Variants in PDS5B observed in about 807,000 individuals in gnomAD.
PDS5B encodes the protein PDS5 cohesin associated factor B.
A neutral mutation model predicts 184.1 loss-of-function variants in PDS5B; 51 were observed. The ratio of observed to expected loss-of-function variants is 0.28; its 90% CI spans 0.22 to 0.35. The LOEUF is 0.35. Among genes scored for constraint, PDS5B ranks in the 10% least tolerant of loss-of-function variants. The pLI, the probability that PDS5B is intolerant of heterozygous loss-of-function variation, is 1.00. For missense variants in PDS5B, 1,180 were observed against 1,723.3 expected, an observed-to-expected ratio of 0.68 and a Z score of 5.58; for synonymous variants, 566 against 569.2, an observed-to-expected ratio of 0.99 and a Z score of 0.08.
chr13:32,760,019 C>CA (rs1185751743), intron 29 of PDS5B, among the ~76,000 whole-genome samples: 1 of 151,844 alleles, frequency 6.6e-6, no homozygotes, highest in Admixed American at 6.6e-5. Flanking sequence ...TGCAGTGGCG[C>CA]ATCTCGGCTC....
chr13:32,750,101 C>T (rs1953919039), intron 24 of PDS5B, among the ~76,000 whole-genome samples: 1 of 152,168 alleles, frequency 6.6e-6, no homozygotes, highest in Non-Finnish European at 1.5e-5. Flanking sequence ...TGTGTGTCAT[C>T]ATTCCTGTTA....
At position 32,648,842 on chromosome 13, in the gene PDS5B, G is replaced by C. The variant is rs1950292660; in HGVS notation, c.70G>C (p.Asp24His). Residue 24 changes from aspartate (D) to histidine (H), a missense_variant, in exon 2 of 35, where the codon GAT becomes CAT. Around this residue, in one of 11 missense-constraint regions of PDS5B, gnomAD observed 22 missense variants for 79.3 expected, o/e 0.28. Coordinates refer to ENST00000315596, the MANE Select transcript of PDS5B (RefSeq NM_015032.4). ...TCCGCCTGGGGTCAAGGAAATATCA[G>C]ATAAAATATCTAAAGAGGAGATGGT... ...TYPPGVKEIS[D>H]KISKEEMVRR... 9.7e-6 allele frequency: 15 copies of C among 1,543,898 alleles called. No homozygotes were observed. Among genetic ancestry groups the C allele is most frequent in the African/African-American group, 1.4e-5 (1 of 73,546 alleles).
intron 19 of PDS5B, among the ~76,000 whole-genome samples, chr13:32,722,224 C>T (rs9591277): frequency 0.39 from 58,933 of 152,018 alleles, 11,936 homozygotes; most frequent in Non-Finnish European, 0.45. Flanking sequence ...GGCGTGGCGG[C>T]GCACGCCTGC....
chr13:32,601,988 G>A (rs1168724740), intron 1 of PDS5B, among the ~76,000 whole-genome samples: 1 of 152,152 alleles, frequency 6.6e-6, no homozygotes, highest in Non-Finnish European at 1.5e-5. Context: ...TAATGTAAAT[G>A]TAACTGTAAG....
chr13:32,750,644 C>T lies in PDS5B; in HGVS notation c.2737-2688C>T, dbSNP rs563444610. Among the ~76,000 whole-genome samples the T allele has an allele frequency of 5.3e-5, 8 of 151,850 alleles. No individual in the cohort carries two copies. In the East Asian group the frequency reaches 9.7e-4, roughly 18 times the overall value. On this transcript the variant is annotated intron_variant, in intron 24 of 34. Coordinates refer to ENST00000315596, the MANE Select transcript of PDS5B (RefSeq NM_015032.4). ...GTAACCTCTGCCTCCCGGGTTTAAG[C>T]GATTCTCCTGCCTCAGCCTCCCAAG...
intron 9 of PDS5B, among the ~76,000 whole-genome samples, chr13:32,677,795 T>G (rs1250214620): frequency 1.3e-5 from 2 of 152,134 alleles, no homozygotes; most frequent in Admixed American, 1.3e-4. Flanking sequence ...TTTGGGAGCC[T>G]TTAGATTTCA....
At chr13:32,738,858 G>C (rs541693685) in intron 21 of PDS5B, among the ~76,000 whole-genome samples, 37 of 152,138 alleles carry the variant, frequency 2.4e-4, no homozygotes, top group Admixed American at 2.2e-3. Context: ...TTTTAGTAGA[G>C]ATGGGGTTTC....
chr13:32,696,923 T>A, intron 15 of PDS5B, 21 bp downstream of exon 15: 2 of 1,364,926 alleles, frequency 1.5e-6, no homozygotes, highest in Non-Finnish European at 2.1e-6. Flanking sequence ...TTAAAATCTG[T>A]ATAAAAATGT....
chr13:32,756,971 C>T (rs1026585219), intron 26 of PDS5B, among the ~76,000 whole-genome samples: 13 of 151,644 alleles, frequency 8.6e-5, no homozygotes, highest in African/African-American at 3.1e-4. Context: ...AAAAGTACAA[C>T]AAAATTAGCC....
At chr13:32,660,498 A>G (rs191097238) in intron 6 of PDS5B, among the ~76,000 whole-genome samples, 309 of 152,146 alleles carry the variant, frequency 2.0e-3, no homozygotes, top group Non-Finnish European at 3.6e-3. Flanking sequence ...GAGACCTGCT[A>G]AGCCTTTCAA....
intron 1 of PDS5B, among the ~76,000 whole-genome samples, chr13:32,637,138 CTTA>C (rs2058575530): frequency 6.6e-6 from 1 of 151,826 alleles, no homozygotes; most frequent in Non-Finnish European, 1.5e-5. Context: ...AAGAGATTAG[CTTA>C]TTAAGATCAT....
chr13:32,691,405 T>A (rs992435345), intron 13 of PDS5B: 1 of 152,148 alleles, frequency 6.6e-6, no homozygotes. Flanking sequence ...TATTTTGATA[T>A]GAGAAATTTG....
intron 17 of PDS5B, among the ~76,000 whole-genome samples, chr13:32,702,186 C>T (rs1353579054): frequency 6.6e-6 from 1 of 151,952 alleles, no homozygotes; most frequent in Non-Finnish European, 1.5e-5. Flanking sequence ...TGCTCAAACC[C>T]TGTTGGAGAT....
intron 2 of PDS5B, 36 bp downstream of exon 2, chr13:32,648,916 G>T: frequency 1.1e-6 from 1 of 924,484 alleles, no homozygotes. Flanking sequence ...CATCTGTGTA[G>T]GGCAGAGGTC....
At chr13:32,751,092 T>A (rs1330151613) in intron 24 of PDS5B, among the ~76,000 whole-genome samples, 1 of 152,212 alleles carries the variant, frequency 6.6e-6, no homozygotes, top group African/African-American at 2.4e-5. Context: ...TCATGTGTAC[T>A]CAATGTTTAG....
chr13:32,727,415 T>C (rs916594542), intron 19 of PDS5B, among the ~76,000 whole-genome samples: 19 of 152,174 alleles, frequency 1.2e-4, no homozygotes, highest in African/African-American at 4.1e-4. Context: ...TTGTTGGATG[T>C]CTATCCATAT....
intron 15 of PDS5B, among the ~76,000 whole-genome samples, chr13:32,697,180 A>AAT (rs1269269760): frequency 1.3e-5 from 2 of 152,226 alleles, no homozygotes; most frequent in African/African-American, 4.8e-5. Context: ...TCCAAGCCAA[A>AAT]ATATAAAGGA....
At chr13:32,591,152 G>C (rs1485827253) in intron 1 of PDS5B, among the ~76,000 whole-genome samples, 1 of 151,508 alleles carries the variant, frequency 6.6e-6, no homozygotes, top group Non-Finnish European at 1.5e-5. Flanking sequence ...TTTTTGAGAT[G>C]GAGTCTCGCT....
chr13:32,631,982 C>T (rs1481426233), intron 1 of PDS5B, among the ~76,000 whole-genome samples: 1 of 152,172 alleles, frequency 6.6e-6, no homozygotes, highest in African/African-American at 2.4e-5. Context: ...ATATCTTCAA[C>T]AGATGACACT....
Sources: gnomAD v4.1 joint callset for allele counts (sites outside exome capture counted in the v4.1 genomes callset) on GRCh38, gnomAD v4.1.1 for gene constraint, gnomAD v4.1.1 regional missense constraint, MANE v1.5 for transcripts, NCBI Gene and HGNC (gene_info 2026-07-23, HGNC 2026-07-21) for gene names.